FAM184B: variants seen among roughly 807,000 people sequenced by gnomAD.
The protein encoded by FAM184B is family with sequence similarity 184 member B.
FAM184B carries 111 observed loss-of-function variants against 135.9 expected under a neutral mutation model. The observed-to-expected ratio is 0.82, with a 90% CI of 0.70 to 0.96. The LOEUF is 0.96. Ranked by LOEUF, FAM184B falls within the 40% of genes least tolerant of loss-of-function variation. The pLI is 0.00. For missense variants in FAM184B, 1,375 were observed against 1,323.9 expected, an observed-to-expected ratio of 1.04 and a Z score of -0.60; for synonymous variants, 552 against 524.8, an observed-to-expected ratio of 1.05 and a Z score of -0.71.
chr4:17,764,669 G>C (rs565057582), intron 1 of FAM184B, among the ~76,000 whole-genome samples: 2 of 152,352 alleles, frequency 1.3e-5, no homozygotes, highest in South Asian at 2.1e-4. Context: ...CAGTATGCTA[G>C]AAGCTGTTGG....
At position 17,698,284 on chromosome 4, in the gene FAM184B, C is replaced by T. The variant is rs368993213; in HGVS notation, c.1378-4872G>A. Among the ~76,000 whole-genome samples, 4 of 152,064 alleles carry T rather than the reference C, an allele frequency of 2.6e-5. No individual in the cohort carries two copies. In the South Asian group the frequency reaches 6.2e-4, roughly 24 times the overall value. ...CCAGGAAAACAGGTTTTATGGCACC[C>T]ATTTTACACAGAGGAAATCCCACTG... On this transcript the variant is annotated intron_variant, in intron 5 of 17. Coordinates refer to ENST00000265018, the MANE Select transcript of FAM184B (RefSeq NM_015688.2).
chr4:17,655,623 A>T (rs774689996), intron 10 of FAM184B, among the ~76,000 whole-genome samples: 1 of 152,074 alleles, frequency 6.6e-6, no homozygotes, highest in Non-Finnish European at 1.5e-5. Flanking sequence ...CAACTCCCTC[A>T]TGGCTTCCAC....
At chr4:17,735,599 AT>A (rs1046393856) in intron 1 of FAM184B, among the ~76,000 whole-genome samples, 45 of 151,518 alleles carry the variant, frequency 3.0e-4, no homozygotes, top group African/African-American at 1.1e-3. Context: ...TGTCATTGGC[AT>A]TTTTTTTCAT....
chr4:17,762,386 C>A (rs1030094931), intron 1 of FAM184B, among the ~76,000 whole-genome samples: 1 of 152,162 alleles, frequency 6.6e-6, no homozygotes, highest in Non-Finnish European at 1.5e-5. Flanking sequence ...TAACAGTGGT[C>A]GAGCTGATCT....
At chr4:17,725,932 T>TTG (rs1215611996) in intron 1 of FAM184B, among the ~76,000 whole-genome samples, 1 of 151,910 alleles carries the variant, frequency 6.6e-6, no homozygotes, top group African/African-American at 2.4e-5. Flanking sequence ...AACTCTTCTT[T>TTG]TTTTTTTTTG....
chr4:17,733,021 G>C (rs557622354), intron 1 of FAM184B, among the ~76,000 whole-genome samples: 1 of 152,024 alleles, frequency 6.6e-6, no homozygotes, highest in African/African-American at 2.4e-5. Context: ...GGGATGCAAG[G>C]CTGGTTCAAC....
intron 7 of FAM184B, among the ~76,000 whole-genome samples, chr4:17,670,884 T>C (rs1469825890): frequency 6.6e-6 from 1 of 152,166 alleles, no homozygotes; most frequent in Admixed American, 6.5e-5. Flanking sequence ...AACCTGATTG[T>C]CACCTACCAG....
rs1719025545 is a variant in FAM184B at position 17,781,193 on chromosome 4, A to G, written c.107T>C (p.Val36Ala). 6.5e-7 allele frequency: 1 copy of G among 1,549,524 alleles called. No homozygotes were observed. Among genetic ancestry groups the G allele is most frequent in the South Asian group, 1.2e-5 (1 of 83,676 alleles). ...WRMDCDPQMH[V>A]KMCKKIAQLT... ...CTGGGCGATCTTCTTGCACATTTTC[A>G]CGTGCATCTGGGGATCACAGTCCAT... is the stretch of plus-strand genomic sequence containing the variant. The change falls in exon 1 of 18, where the codon GTG (valine) becomes GCG (alanine). Residue 36 changes from valine to alanine, a missense_variant. By Grantham distance (64) the Val-to-Ala change is moderately conservative. Coordinates refer to ENST00000265018, the MANE Select transcript of FAM184B (RefSeq NM_015688.2). The surrounding 1 kb of genome is among the most constrained non-coding windows in gnomAD (Gnocchi z 6.5).
chr4:17,726,135 A>G (rs1237385348), intron 1 of FAM184B, among the ~76,000 whole-genome samples: 1 of 152,086 alleles, frequency 6.6e-6, no homozygotes, highest in Admixed American at 6.5e-5. Flanking sequence ...TGTGTTAGCC[A>G]GGATGGTCTT....
intron 1 of FAM184B, among the ~76,000 whole-genome samples, chr4:17,721,407 T>C (rs1276101164): frequency 2.5e-4 from 8 of 32,212 alleles, no homozygotes; most frequent in Admixed American, 4.9e-4. Context: ...AAAAAAAAAA[T>C]CTCTTTGCCC....
chr4:17,635,089 C>A lies in FAM184B; in HGVS notation c.2809G>T (p.Ala937Ser). Residue 937 changes from alanine to serine, a missense_variant, in exon 16 of 18, where the codon GCA (alanine) becomes TCA (serine). Ala to Ser is a moderately conservative substitution (Grantham distance 99, BLOSUM62 1). Coordinates refer to ENST00000265018, the MANE Select transcript of FAM184B (RefSeq NM_015688.2). ...CGGTGGGACATGGCACTGGGGAATGCTGCGTAGTGAAATCTTCTCTCTTCC... is the reference window on the plus strand; with the variant it reads ...CGGTGGGACATGGCACTGGGGAATGATGCGTAGTGAAATCTTCTCTCTTCC... ...LTEERRFHYA[A>S]FPSAMSHRNR... 1.3e-6 allele frequency: 2 copies of A among 1,551,554 alleles called. No homozygotes were observed. Among genetic ancestry groups the A allele is most frequent in the Non-Finnish European group, 1.7e-6 (2 of 1,146,856 alleles).
At chr4:17,665,018 G>A (rs116213449) in intron 7 of FAM184B, among the ~76,000 whole-genome samples, 3 of 152,086 alleles carry the variant, frequency 2.0e-5, no homozygotes, top group Non-Finnish European at 2.9e-5. Context: ...AGGACCCTGG[G>A]GACTGAACTC....
chr4:17,669,091 C>T (rs1716115933), intron 7 of FAM184B, among the ~76,000 whole-genome samples: 1 of 152,204 alleles, frequency 6.6e-6, no homozygotes, highest in African/African-American at 2.4e-5. Context: ...AGTCCTCCCT[C>T]TTTACTCTAT....
Position 17,709,395 on chromosome 4 carries a change from CCTT to C in FAM184B, c.388_390del (p.Lys130del), listed in dbSNP as rs1226178728. The C allele has an allele frequency of 6.6e-7, 1 of 1,523,350 alleles. No individual in the cohort carries two copies. Among genetic ancestry groups the C allele is most frequent in the Non-Finnish European group, 8.8e-7 (1 of 1,130,666 alleles). The allele number at this position is 1,523,350 out of a possible 1,614,324, so 94.4% of individuals were successfully genotyped here. On this transcript the variant is annotated inframe_deletion, in exon 2 of 18. Coordinates refer to ENST00000265018, the MANE Select transcript of FAM184B (RefSeq NM_015688.2). ...TCTGCCTCCACCCTCAGCTCTCTCT[CCTT>C]CGTCTCCAGCCTGCACGAGGCCGAC...
Position 17,763,064 on chromosome 4 carries a change from C to T in FAM184B, c.141+18095G>A, listed in dbSNP as rs145785362. Among the ~76,000 whole-genome samples the T allele has an allele frequency of 7.6e-4, 116 of 152,272 alleles. 1 individual carries two copies. Among genetic ancestry groups the T allele is most frequent in the Non-Finnish European group, 1.3e-4 (9 of 68,016 alleles). ...TGGACACTGCATCCCTGGCTGCTGT[C>T]AATGGGATGTTCATTTCTTAGTGCC... is the stretch of plus-strand genomic sequence containing the variant. On this transcript the variant is annotated intron_variant, in intron 1 of 17. Transcript: ENST00000265018.
At chr4:17,748,732 G>A (rs1267227817) in intron 1 of FAM184B, among the ~76,000 whole-genome samples, 1 of 151,922 alleles carries the variant, frequency 6.6e-6, no homozygotes, top group East Asian at 1.9e-4. Context: ...GCCCAGGCTT[G>A]TCTTGAATTC....
At position 17,687,611 on chromosome 4, in the gene FAM184B, C is replaced by T. The variant is rs76427418; in HGVS notation, c.1596+813G>A. Reference sequence around the variant, plus strand: ...GCTGTAGTAGAGTGGGCCCTAAAGCCAGTGACTGGTGTCTTTATAAGAAGG... The same window carrying T: ...GCTGTAGTAGAGTGGGCCCTAAAGCTAGTGACTGGTGTCTTTATAAGAAGG... On this transcript the variant is annotated intron_variant, in intron 7 of 17. Transcript: ENST00000265018. 3.9e-5 allele frequency among the ~76,000 whole-genome samples: 6 copies of T among 152,262 alleles called. No homozygotes were observed. The East Asian group carries it at 1.2e-3, about 29-fold the overall frequency.
chr4:17,769,647 C>T (rs1318276349), intron 1 of FAM184B, among the ~76,000 whole-genome samples: 1 of 152,102 alleles, frequency 6.6e-6, no homozygotes, highest in Non-Finnish European at 1.5e-5. Context: ...GATGCTAGAC[C>T]TTTTGAGTTC....
intron 7 of FAM184B, among the ~76,000 whole-genome samples, chr4:17,676,115 G>A (rs911671427): frequency 5.3e-5 from 8 of 152,106 alleles, no homozygotes; most frequent in South Asian, 2.1e-4. Context: ...TCCTTGCTAC[G>A]CTTAATCATT....
Sources: gnomAD v4.1 joint callset for allele counts (sites outside exome capture counted in the v4.1 genomes callset) on GRCh38, gnomAD v4.1.1 for gene constraint, Gnocchi (gnomAD v3.1) non-coding constraint, MANE v1.5 for transcripts, NCBI Gene and HGNC (gene_info 2026-07-23, HGNC 2026-07-21) for gene names.